Variants in SEMA6D observed in about 807,000 individuals in gnomAD.
SEMA6D encodes semaphorin 6D.
In SEMA6D, 35 loss-of-function variants were observed where a neutral mutation model predicts 106.6. That is an observed-to-expected ratio of 0.33 (90% CI 0.25 to 0.44). The LOEUF (loss-of-function observed/expected upper bound fraction) is 0.44. Among genes scored for constraint, SEMA6D ranks in the 20% least tolerant of loss-of-function variants. SEMA6D has a pLI of 1.00. For synonymous variants in SEMA6D, 499 were observed against 487.7 expected (o/e 1.02, Z -0.31); for missense variants, 1,185 against 1,345.9 (o/e 0.88, Z 1.87).
At chr15:47,544,372 A>G (rs1248217724) in intron 3 of SEMA6D, among the ~76,000 whole-genome samples, 2 of 152,190 alleles carry the variant, frequency 1.3e-5, no homozygotes, top group Non-Finnish European at 2.9e-5. Context: ...GTTATCATCT[A>G]TTCAACGAAT....
intron 3 of SEMA6D, among the ~76,000 whole-genome samples, chr15:47,596,550 C>T (rs1295118392): frequency 6.6e-6 from 1 of 152,058 alleles, no homozygotes; most frequent in South Asian, 2.1e-4. Context: ...AGCTATAGTA[C>T]ATAGAACAAC....
At chr15:47,460,464 A>G (rs1567095051) in intron 2 of SEMA6D, among the ~76,000 whole-genome samples, 1 of 151,842 alleles carries the variant, frequency 6.6e-6, no homozygotes, top group Non-Finnish European at 1.5e-5. Flanking sequence ...TGAGTACCCG[A>G]CTCTCAATGT....
chr15:47,246,651 T>C (rs1161910899), intron 1 of SEMA6D, among the ~76,000 whole-genome samples: 2 of 152,222 alleles, frequency 1.3e-5, no homozygotes, highest in Admixed American at 6.5e-5. Flanking sequence ...ATTGCGTCTC[T>C]TTCTCTGACC....
chr15:47,366,986 G>A (rs1436755595), intron 1 of SEMA6D, among the ~76,000 whole-genome samples: 2 of 152,164 alleles, frequency 1.3e-5, no homozygotes, highest in Non-Finnish European at 2.9e-5. Flanking sequence ...GCAAAATAGT[G>A]TTTCAGAGCA....
intron 3 of SEMA6D, among the ~76,000 whole-genome samples, chr15:47,508,433 A>G (rs904914332): frequency 1.3e-5 from 2 of 152,208 alleles, no homozygotes; most frequent in Non-Finnish European, 2.9e-5. Flanking sequence ...CCGCACTCCA[A>G]GAGGATGGCC....
chr15:47,489,833 G>A (rs2043416344), intron 3 of SEMA6D, among the ~76,000 whole-genome samples: 1 of 151,978 alleles, frequency 6.6e-6, no homozygotes, highest in South Asian at 2.1e-4. Context: ...TGTATTTTTA[G>A]TAGAGATAGG....
intron 1 of SEMA6D, among the ~76,000 whole-genome samples, chr15:47,355,599 C>G (rs536401949): frequency 1.1e-4 from 17 of 152,260 alleles, no homozygotes; most frequent in African/African-American, 3.9e-4. Context: ...GCTCTAACTC[C>G]TTTTTCTGTG....
At chr15:47,645,666 T>C (rs948506077) in intron 4 of SEMA6D, among the ~76,000 whole-genome samples, 3 of 152,214 alleles carry the variant, frequency 2.0e-5, no homozygotes, top group South Asian at 2.1e-4. Flanking sequence ...TACCTGGAGA[T>C]AGCATCAGGT....
chr15:47,612,998 G>C (rs79079642), intron 4 of SEMA6D, among the ~76,000 whole-genome samples: 2,640 of 152,134 alleles, frequency 0.017, 80 homozygotes, highest in African/African-American at 0.061. Flanking sequence ...ACATAATGTT[G>C]GTGAATTTTA....
intron 2 of SEMA6D, among the ~76,000 whole-genome samples, chr15:47,451,131 G>A (rs1009871136): frequency 6.6e-6 from 1 of 152,066 alleles, no homozygotes; most frequent in Non-Finnish European, 1.5e-5. Context: ...CTTTTGCAGG[G>A]TATGAGATAT....
chr15:47,192,108 G>T (rs1894004220), intron 1 of SEMA6D, among the ~76,000 whole-genome samples: 1 of 152,178 alleles, frequency 6.6e-6, no homozygotes, highest in Admixed American at 6.5e-5. Context: ...GTTATCAGGT[G>T]ATCTTACTGT....
chr15:47,280,112 C>A (rs1300209762), intron 1 of SEMA6D, among the ~76,000 whole-genome samples: 2 of 152,092 alleles, frequency 1.3e-5, no homozygotes, highest in East Asian at 3.9e-4. Context: ...GTACCAGTTC[C>A]TCCTTGTACC....
At chr15:47,407,498 G>A (rs2040634745) in intron 1 of SEMA6D, among the ~76,000 whole-genome samples, 1 of 151,826 alleles carries the variant, frequency 6.6e-6, no homozygotes. Flanking sequence ...TTATTTTGGA[G>A]GTACTTAGGC....
At chr15:47,486,768 A>G (rs1001747900) in intron 3 of SEMA6D, among the ~76,000 whole-genome samples, 2 of 152,236 alleles carry the variant, frequency 1.3e-5, no homozygotes, top group African/African-American at 2.4e-5. Context: ...GATTTAATTG[A>G]TGACACAGGT....
chr15:47,628,111 T>C (rs2077233500), intron 4 of SEMA6D, among the ~76,000 whole-genome samples: 2 of 152,090 alleles, frequency 1.3e-5, no homozygotes, highest in African/African-American at 4.8e-5. Context: ...GGATATGATA[T>C]ACCATGGATT....
At chr15:47,759,097 A>G (rs908823557) in intron 1 of SEMA6D, among the ~76,000 whole-genome samples, 1 of 152,028 alleles carries the variant, frequency 6.6e-6, no homozygotes, top group Non-Finnish European at 1.5e-5. Flanking sequence ...GCTTTGCTTG[A>G]TTGGTTATCA....
At chr15:47,256,352 C>A (rs181896577) in intron 1 of SEMA6D, among the ~76,000 whole-genome samples, 16 of 152,238 alleles carry the variant, frequency 1.1e-4, no homozygotes, top group African/African-American at 3.4e-4. Context: ...GTATGCCTTT[C>A]AGTTTATTCA....
intron 3 of SEMA6D, among the ~76,000 whole-genome samples, chr15:47,560,768 C>T (rs1441130664): frequency 6.6e-6 from 1 of 151,948 alleles, no homozygotes; most frequent in African/African-American, 2.4e-5. Context: ...TCTGTGTGCC[C>T]TAGTCCAGTA....
At chr15:47,584,371 C>T (rs1481484908) in intron 3 of SEMA6D, among the ~76,000 whole-genome samples, 2 of 151,432 alleles carry the variant, frequency 1.3e-5, no homozygotes. Context: ...TGCAGTGAGC[C>T]GAGATTGTGC....
Sources: gnomAD v4.1 joint callset for allele counts (sites outside exome capture counted in the v4.1 genomes callset) on GRCh38, gnomAD v4.1.1 for gene constraint, MANE v1.5 for transcripts, NCBI Gene and HGNC (gene_info 2026-07-23, HGNC 2026-07-21) for gene names.